The following RNF183 variants were observed in gnomAD, a reference collection of about 807,000 sequenced individuals.
The protein encoded by RNF183 is E3 ubiquitin-protein ligase RNF183.
A neutral mutation model predicts 9.0 loss-of-function variants in RNF183; 4 were observed. The ratio of observed to expected loss-of-function variants is 0.44; its 90% CI spans 0.22 to 1.01. RNF183 has a LOEUF of 1.01. Ranked by LOEUF, RNF183 falls within the 50% of genes least tolerant of loss-of-function variation. The pLI, the probability that RNF183 is intolerant of heterozygous loss-of-function variation, is 0.25. For synonymous variants in RNF183, 102 were observed against 107.5 expected, an observed-to-expected ratio of 0.95 and a Z score of 0.32; for missense variants, 227 against 253.6, an observed-to-expected ratio of 0.89 and a Z score of 0.71.
rs1246598252 is a variant in RNF183 at position 113,297,983 on chromosome 9, CTGAGGCCAGCACTG to C, written c.188_201del (p.Thr63ArgfsTer6). Reference sequence around the variant, plus strand: ...GTGGGCAAGTCAGTGACAGGCTGCCCTGAGGCCAGCACTGTGGGCTGGCGACAGAGTGGGCACAG... The same window carrying C: ...GTGGGCAAGTCAGTGACAGGCTGCCCTGGGCTGGCGACAGAGTGGGCACAG... On this transcript the variant is annotated frameshift_variant, in exon 5 of 5. Coordinates refer to ENST00000489339, the MANE Select transcript of RNF183 (RefSeq NM_001371237.1). LOFTEE classifies it high-confidence loss of function. 1.5e-5 allele frequency: 24 copies of C among 1,613,846 alleles called. No individual in the cohort carries two copies. The Admixed American group carries it at 4.0e-4, about 27-fold the overall frequency.
At chr9:113,299,367 T>A (rs1832844895) in intron 4 of RNF183, 1 of 152,352 alleles carries the variant, frequency 6.6e-6, no homozygotes, top group Admixed American at 6.5e-5. Flanking sequence ...TAACTGAGTC[T>A]TCTGGGCTTC....
chr9:113,303,049 T>C lies in RNF183; in HGVS notation c.-441+7A>G, dbSNP rs1005209358. 1.3e-5 allele frequency: 2 copies of C among 152,772 alleles called. No individual in the cohort carries two copies. Among genetic ancestry groups the C allele is most frequent in the Non-Finnish European group, 2.9e-5 (2 of 68,518 alleles). The allele number at this position is 152,772 out of a possible 1,614,324, so 9.5% of individuals were successfully genotyped here. A position where few individuals can be genotyped will look rare whatever the true frequency, so the allele number is the denominator to read the frequency against. On this transcript the variant is annotated splice_region_variant and intron_variant, in intron 1 of 4. Transcript: ENST00000489339. ...CCGTCCCTCCGCGACCCTCTCTGTC[T>C]CCTTACCTGCTCCCTCGGAGCCGCC...
rs932936256 is a variant in RNF183 at position 113,297,427 on chromosome 9, A to G, written c.*179T>C. On this transcript the variant is annotated 3_prime_UTR_variant, in exon 5 of 5. Transcript: ENST00000489339. ...TCGCTCCACATCTCCCAGTCCTTCA[A>G]GCTTTTCGTTTTTTTGTTTTTTTTT... The G allele has an allele frequency of 4.1e-5, 21 of 512,000 alleles. No homozygotes were observed. In the African/African-American group the frequency reaches 4.1e-4, roughly 10 times the overall value. The allele number at this position is 512,000 out of a possible 1,614,324, so 31.7% of individuals were successfully genotyped here. A position where few individuals can be genotyped will look rare whatever the true frequency, so the allele number is the denominator to read the frequency against.
In RNF183 at chr9:113,297,950, C is replaced by T; in HGVS notation, c.235G>A (p.Ala79Thr). 4.3e-6 allele frequency: 7 copies of T among 1,613,782 alleles called. No homozygotes were observed. Among genetic ancestry groups the T allele is most frequent in the South Asian group, 1.1e-5 (1 of 91,060 alleles). ...QPVTDLPTDT[A>T]MLALLRLEPH... ...TCCAGGCGGAGCAGGGCGAGCATGGCAGTGTCCGTGGGCAAGTCAGTGACA... is the reference window on the plus strand; with the variant it reads ...TCCAGGCGGAGCAGGGCGAGCATGGTAGTGTCCGTGGGCAAGTCAGTGACA... Residue 79 changes from alanine to threonine, a missense_variant, in exon 5 of 5, where the codon GCC (alanine) becomes ACC (threonine). By Grantham distance (58) the Ala-to-Thr change is moderately conservative. Coordinates refer to ENST00000489339, the MANE Select transcript of RNF183 (RefSeq NM_001371237.1).
At position 113,299,702 on chromosome 9, in the gene RNF183, C is replaced by T. The variant is rs935612104; in HGVS notation, c.-168G>A. 6.6e-6 allele frequency: 1 copy of T among 152,186 alleles called. No homozygotes were observed. The highest frequency in any genetic ancestry group is 1.5e-5 in the Non-Finnish European group (1 of 68,038). The allele number at this position is 152,186 out of a possible 1,614,324, so 9.4% of individuals were successfully genotyped here. A position where few individuals can be genotyped will look rare whatever the true frequency, so the allele number is the denominator to read the frequency against. ...GAGGCGCACTCCAGCCCAGCTTCTC[C>T]GTTTCAACCAGAAATACTTGGCTTT... On this transcript the variant is annotated 5_prime_UTR_variant, in exon 4 of 5. Transcript: ENST00000489339.
At chr9:113,301,775 T>A (rs1832924909) in intron 2 of RNF183, 24 bp from the exon 3 acceptor site, 1 of 152,248 alleles carries the variant, frequency 6.6e-6, no homozygotes, top group Non-Finnish European at 1.5e-5. Flanking sequence ...AGTAAAGAGA[T>A]GCCCATCCAG....
chr9:113,298,436 C>A lies in RNF183; in HGVS notation c.-37-215G>T, dbSNP rs891132324. 19 of 533,418 alleles carry A rather than the reference C, an allele frequency of 3.6e-5. No individual in the cohort carries two copies. The Admixed American group carries it at 6.6e-4, about 19-fold the overall frequency. The allele number at this position is 533,418 out of a possible 1,614,324, so 33.0% of individuals were successfully genotyped here. ...CTGTCAAGGTGAAGGCCTGGGCCACCCCTACCAAGAGCCCCCAAGAGAGCC... is the reference window on the plus strand; with the variant it reads ...CTGTCAAGGTGAAGGCCTGGGCCACACCTACCAAGAGCCCCCAAGAGAGCC... On this transcript the variant is annotated intron_variant, in intron 4 of 4. Coordinates refer to ENST00000489339, the MANE Select transcript of RNF183 (RefSeq NM_001371237.1). This position sits in a 1 kb window ranked among gnomAD's most constrained non-coding sequence, Gnocchi z 4.9.
intron 3 of RNF183, among the ~76,000 whole-genome samples, chr9:113,300,892 C>T (rs1832896847): frequency 6.6e-6 from 1 of 152,126 alleles, no homozygotes; most frequent in African/African-American, 2.4e-5. Context: ...GAAGGGAACA[C>T]CCGTTCGGGC....
intron 2 of RNF183, 32 bp from the exon 3 acceptor site, chr9:113,301,783 C>T (rs1170183113): frequency 6.6e-6 from 1 of 152,212 alleles, no homozygotes; most frequent in African/African-American, 2.4e-5. Context: ...GATGCCCATC[C>T]AGGCGCTGGT....
At position 113,297,885 on chromosome 9, in the gene RNF183, G is replaced by C. The variant is rs368197429; in HGVS notation, c.300C>G (p.Leu100=). ...HVILEGHQLC[L]KDQPKSRYFL... ...AGTAGCGGCTCTTGGGCTGGTCCTT[G>C]AGGCACAGCTGATGGCCTTCCAGGA... The change falls in exon 5 of 5, where the codon CTC becomes CTG. Residue 100 remains leucine (L), a synonymous_variant. Transcript: ENST00000489339. The C allele has an allele frequency of 6.2e-7, 1 of 1,613,808 alleles. No homozygotes were observed. The highest frequency in any genetic ancestry group is 8.5e-7 in the Non-Finnish European group (1 of 1,179,916).
chr9:113,301,515 TATGGATA>T (rs1459329279), intron 3 of RNF183, among the ~76,000 whole-genome samples, 150 bp downstream of exon 3: 2 of 152,214 alleles, frequency 1.3e-5, no homozygotes, highest in Non-Finnish European at 2.9e-5. Flanking sequence ...AAAACATTGT[TATGGATA>T]TATGAGGCAG....
chr9:113,297,793 G>T lies in RNF183; in HGVS notation c.392C>A (p.Pro131His), dbSNP rs923034621. 18 of 1,612,196 alleles carry T rather than the reference G, an allele frequency of 1.1e-5. No homozygotes were observed. Among genetic ancestry groups the T allele is most frequent in the Admixed American group, 3.3e-5 (2 of 59,830 alleles). The change falls in exon 5 of 5, where the codon CCC becomes CAC. Residue 131 changes from proline (P) to histidine (H), a missense_variant. Physicochemically the swap from Pro to His is moderately conservative, Grantham distance 77 (BLOSUM62 -2). Coordinates refer to ENST00000489339, the MANE Select transcript of RNF183 (RefSeq NM_001371237.1). ...GPQPGGQTGP[P>H]PDTASATVST... ...CACGGTGGCAGAGGCCGTGTCTGGG[G>T]GCGGCCCAGTCTGGCCCCCAGGCTG...
At chr9:113,301,215 T>C (rs1325441701) in intron 3 of RNF183, among the ~76,000 whole-genome samples, 1 of 152,192 alleles carries the variant, frequency 6.6e-6, no homozygotes, top group Non-Finnish European at 1.5e-5. Flanking sequence ...AAGCAATGCA[T>C]GACCTAAAAA....
rs143098315 is a variant in RNF183, at chr9:113,297,703, C to T, written c.482G>A (p.Arg161His). ...LRECFRNPQFRIFAYLMAVIL... is the reference protein window; with the variant it reads ...LRECFRNPQFHIFAYLMAVIL... Reference sequence around the variant, plus strand: ...GACGGCCATCAGGTAGGCAAAGATGCGGAACTGAGGGTTGCGGAAACACTC... The same window carrying T: ...GACGGCCATCAGGTAGGCAAAGATGTGGAACTGAGGGTTGCGGAAACACTC... The change falls in exon 5 of 5, where the codon CGC (arginine) becomes CAC (histidine). Residue 161 changes from arginine (R) to histidine (H), a missense_variant. Arg to His is a conservative substitution (Grantham distance 29, BLOSUM62 0). Coordinates refer to ENST00000489339, the MANE Select transcript of RNF183 (RefSeq NM_001371237.1). 86 of 1,614,026 alleles carry T rather than the reference C, an allele frequency of 5.3e-5. 1 individual carries two copies. The African/African-American group carries it at 8.8e-4, about 17-fold the overall frequency.
intron 3 of RNF183, among the ~76,000 whole-genome samples, chr9:113,300,262 G>A (rs994485072): frequency 1.3e-5 from 2 of 152,222 alleles, no homozygotes; most frequent in African/African-American, 2.4e-5. Context: ...GGGTAGTTTA[G>A]CAGGGCTCTG....
Position 113,298,356 on chromosome 9 carries a change from T to C in RNF183, c.-37-135A>G. Reference sequence around the variant, plus strand: ...CTTAGGTTCAAAAGCGTTTTGTTCTTGATCACCAGTTCCTAACCCATCGAG... The same window carrying C: ...CTTAGGTTCAAAAGCGTTTTGTTCTCGATCACCAGTTCCTAACCCATCGAG... On this transcript the variant is annotated intron_variant, in intron 4 of 4. Transcript: ENST00000489339. This position sits in a 1 kb window ranked among gnomAD's most constrained non-coding sequence, Gnocchi z 4.9. 1 of 613,610 alleles carries C rather than the reference T, an allele frequency of 1.6e-6. No individual in the cohort carries two copies. The highest frequency in any genetic ancestry group is 2.8e-5 in the East Asian group (1 of 36,284). The allele number at this position is 613,610 out of a possible 1,614,324, so 38.0% of individuals were successfully genotyped here. A position where few individuals can be genotyped will look rare whatever the true frequency, so the allele number is the denominator to read the frequency against.
Position 113,301,238 on chromosome 9 carries a change from C to A in RNF183, c.-242+434G>T, listed in dbSNP as rs1832909703. On this transcript the variant is annotated intron_variant, in intron 3 of 4. Coordinates refer to ENST00000489339, the MANE Select transcript of RNF183 (RefSeq NM_001371237.1). ...CATGACCTAAAAATGGGACTATGTT[C>A]TCAGAAACACATCGTTGTATGAACA... Among the ~76,000 whole-genome samples the A allele has an allele frequency of 2.0e-5, 3 of 152,164 alleles. No homozygotes were observed. The South Asian group carries it at 6.2e-4, about 32-fold the overall frequency.
rs781139505 is a variant in RNF183 at position 113,297,835 on chromosome 9, G to A, written c.350C>T (p.Thr117Met). The change falls in exon 5 of 5, where the codon ACG (threonine) becomes ATG (methionine). Residue 117 changes from threonine to methionine, a missense_variant. Transcript: ENST00000489339. ...CCCAGGCTGGGGGCCAAGGTCCAGC[G>A]TGTAGACTTGAGGCTGGCGCAGGAA... ...RYFLRQPQVYTLDLGPQPGGQ... is the reference protein window; with the variant it reads ...RYFLRQPQVYMLDLGPQPGGQ... The A allele has an allele frequency of 2.3e-5, 37 of 1,611,816 alleles. No individual in the cohort carries two copies. The highest frequency in any genetic ancestry group is 3.3e-5 in the South Asian group (3 of 90,852).
chr9:113,302,812 G>A (rs1245013779), intron 1 of RNF183, among the ~76,000 whole-genome samples: 1 of 152,220 alleles, frequency 6.6e-6, no homozygotes, highest in Non-Finnish European at 1.5e-5. Flanking sequence ...AATACGGAAG[G>A]CGCTCAATAC....
Sources: allele counts gnomAD v4.1 joint callset (sites outside exome capture counted in the v4.1 genomes callset), GRCh38; gene constraint gnomAD v4.1.1; non-coding constraint Gnocchi (gnomAD v3.1); transcripts MANE v1.5; gene names NCBI Gene and HGNC (gene_info 2026-07-23, HGNC 2026-07-21).